Variants in MYOM2 observed in about 807,000 individuals in gnomAD.
The protein encoded by MYOM2 is myomesin 2.
A neutral mutation model predicts 187.6 loss-of-function variants in MYOM2; 254 were observed. The observed-to-expected ratio is 1.35, with a 90% CI of 1.22 to 1.50. The LOEUF is 1.50. Ranked by LOEUF, MYOM2 falls within the 40% of genes most tolerant of loss-of-function variation. MYOM2 has a pLI of 0.00. For synonymous variants in MYOM2, 981 were observed against 753.8 expected (o/e 1.30, Z -4.94); for missense variants, 2,796 against 1,924.0 (o/e 1.45, Z -8.48).
In MYOM2 at chr8:2,096,278, C is replaced by G. The variant is rs200368053; in HGVS notation, c.2157C>G (p.Leu719=). ...CGTCCCATCCTTATGGGATTACGCTCCTCAACTGTGACGGCCACTCCATGA... is the reference window on the plus strand; with the variant it reads ...CGTCCCATCCTTATGGGATTACGCTGCTCAACTGTGACGGCCACTCCATGA... ...TVPSHPYGIT[L]LNCDGHSMTL... The change falls in exon 18 of 37, where the codon CTC becomes CTG. Residue 719 remains leucine (L), a synonymous_variant. Transcript: ENST00000262113. The G allele has an allele frequency of 1.9e-6, 3 of 1,614,174 alleles. No individual in the cohort carries two copies. The South Asian group carries it at 3.3e-5, about 18-fold the overall frequency.
At chr8:2,100,148 C>CTTT (rs1796653427) in intron 19 of MYOM2, among the ~76,000 whole-genome samples, 1 of 143,220 alleles carries the variant, frequency 7.0e-6, no homozygotes, top group African/African-American at 2.7e-5. Context: ...TTCCTTCCTT[C>CTTT]CTTCCTTCCT....
Position 2,090,014 on chromosome 8 carries a change from G to C in MYOM2, c.1651G>C (p.Val551Leu). 1.9e-6 allele frequency: 3 copies of C among 1,613,846 alleles called. No individual in the cohort carries two copies. Among genetic ancestry groups the C allele is most frequent in the Non-Finnish European group, 2.5e-6 (3 of 1,179,878 alleles). The change falls in exon 15 of 37, where the codon GTG becomes CTG. Residue 551 changes from valine (V) to leucine (L), a missense_variant. Val to Leu is a conservative substitution (Grantham distance 32, BLOSUM62 1). Transcript: ENST00000262113. Reference sequence around the variant, plus strand: ...TTTCTGTTTCTCTTTGTAGTCCGTGGTGGGGAGCGGCAGCTGGCAGAGAGT... The same window carrying C: ...TTTCTGTTTCTCTTTGTAGTCCGTGCTGGGGAGCGGCAGCTGGCAGAGAGT... ...PLMYFIEKSV[V>L]GSGSWQRVNA... is the part of the protein sequence containing the mutation.
intron 7 of MYOM2, 39 bp downstream of exon 7, chr8:2,069,405 T>G (rs759767952): frequency 3.1e-6 from 5 of 1,613,932 alleles, no homozygotes; most frequent in Non-Finnish European, 4.2e-6. Context: ...ACCTCCCGCC[T>G]CCTTTTCTCT....
Position 2,144,772 on chromosome 8 carries a change from C to T in MYOM2, c.4189C>T (p.Gln1397Ter). Residue 1397 changes from glutamine (Q) to a stop codon, truncating the protein, a stop_gained, in exon 37 of 37, where the codon CAG becomes TAG. Coordinates refer to ENST00000262113, the MANE Select transcript of MYOM2 (RefSeq NM_003970.4). LOFTEE classifies it high-confidence loss of function. ...LSEHFSVKVEQAKYVSMTIKG... is the reference protein window; with the variant it reads ...LSEHFSVKVE ...CGAGCACTTCTCGGTGAAGGTGGAG[C>T]AGGCCAAGTACGTCAGCATGACCAT... 6.2e-7 allele frequency: 1 copy of T among 1,614,206 alleles called. No individual in the cohort carries two copies. The highest frequency in any genetic ancestry group is 8.5e-7 in the Non-Finnish European group (1 of 1,180,044).
chr8:2,121,778 C>A (rs1797468391), intron 28 of MYOM2, among the ~76,000 whole-genome samples: 1 of 152,214 alleles, frequency 6.6e-6, no homozygotes, highest in South Asian at 2.1e-4. Context: ...ACATTCCTTA[C>A]ACAGCAGAAG....
intron 11 of MYOM2, among the ~76,000 whole-genome samples, chr8:2,078,108 AC>A (rs1237113201): frequency 6.6e-6 from 1 of 152,170 alleles, no homozygotes; most frequent in Non-Finnish European, 1.5e-5. Context: ...ACATTTTTCA[AC>A]CTGTGAAAAA....
intron 25 of MYOM2, among the ~76,000 whole-genome samples, chr8:2,115,062 G>T (rs143138875): frequency 6.6e-6 from 1 of 151,672 alleles, no homozygotes; most frequent in Non-Finnish European, 1.5e-5. Flanking sequence ...AGTTATTTAA[G>T]TGAAAAAGTG....
rs754790407 is a variant in MYOM2 at position 2,069,346 on chromosome 8, A to C, written c.722A>C (p.Asn241Thr). 2 of 1,613,832 alleles carry C rather than the reference A, an allele frequency of 1.2e-6. No individual in the cohort carries two copies. Among genetic ancestry groups the C allele is most frequent in the Non-Finnish European group, 1.7e-6 (2 of 1,179,942 alleles). The change falls in exon 7 of 37, where the codon AAC becomes ACC. Residue 241 changes from asparagine to threonine, a missense_variant. Transcript: ENST00000262113. ...ATNAHGQVST[N>T]AAVVVRRFRG... ...AATGCCCACGGACAAGTGTCCACCA[A>C]CGCGGCGGTGGTGGTGAGAAGTGAG...
intron 8 of MYOM2, among the ~76,000 whole-genome samples, chr8:2,070,372 G>A (rs1039028110): frequency 6.6e-6 from 1 of 152,210 alleles, no homozygotes; most frequent in African/African-American, 2.4e-5. Flanking sequence ...TGGCCGCTGT[G>A]GGCGTGGCCT....
Position 2,076,296 on chromosome 8 carries a change from A to C in MYOM2, c.1262+14A>C, listed in dbSNP as rs920807009. 5.0e-6 allele frequency: 8 copies of C among 1,612,554 alleles called. No homozygotes were observed. The East Asian group carries it at 1.6e-4, about 31-fold the overall frequency. On this transcript the variant is annotated intron_variant, in intron 11 of 36. Coordinates refer to ENST00000262113, the MANE Select transcript of MYOM2 (RefSeq NM_003970.4). ...TTTTGTGGACCGGTGAGCGTCTTGC[A>C]TTCTCCCGGGGATGGGAACGTTCCG...
chr8:2,083,020 A>T (rs1819681781), intron 13 of MYOM2, among the ~76,000 whole-genome samples: 1 of 152,220 alleles, frequency 6.6e-6, no homozygotes, highest in East Asian at 1.9e-4. Flanking sequence ...TGTTTTTATG[A>T]GATCAATTTC....
intron 3 of MYOM2, among the ~76,000 whole-genome samples, chr8:2,052,925 A>C (rs1037301744): frequency 6.6e-6 from 1 of 152,226 alleles, no homozygotes; most frequent in African/African-American, 2.4e-5. Flanking sequence ...GTGAAATGTC[A>C]TGGGAATGGG....
intron 31 of MYOM2, among the ~76,000 whole-genome samples, chr8:2,128,677 T>C (rs1345513666): frequency 6.6e-6 from 1 of 152,196 alleles, no homozygotes; most frequent in African/African-American, 2.4e-5. Flanking sequence ...GTTTCATTTG[T>C]CTTGAAGAAC....
chr8:2,093,002 G>A (rs893876), intron 16 of MYOM2, among the ~76,000 whole-genome samples: 78,252 of 151,924 alleles, frequency 0.52, 20,710 homozygotes, highest in Non-Finnish European at 0.58. Flanking sequence ...GCTTTGCAGG[G>A]GAAAGCCAGT....
chr8:2,059,099 C>A, intron 5 of MYOM2, 54 bp from the exon 6 acceptor site: 1 of 1,500,102 alleles, frequency 6.7e-7, no homozygotes, highest in Non-Finnish European at 9.3e-7. Context: ...CAGAATTGCA[C>A]ACACACAAAA....
At chr8:2,058,839 G>A (rs191396845) in intron 5 of MYOM2, among the ~76,000 whole-genome samples, 48 of 152,306 alleles carry the variant, frequency 3.2e-4, no homozygotes, top group South Asian at 2.9e-3. Flanking sequence ...TTAAGTAGGC[G>A]GGTCCGGGAT....
intron 5 of MYOM2, among the ~76,000 whole-genome samples, chr8:2,058,176 G>C (rs562595494): frequency 9.9e-5 from 15 of 151,846 alleles, no homozygotes; most frequent in African/African-American, 3.6e-4. Flanking sequence ...ACGCCACCAC[G>C]CCTGGCTAAT....
chr8:2,105,739 C>G (rs1213544972), intron 21 of MYOM2, among the ~76,000 whole-genome samples: 1 of 152,214 alleles, frequency 6.6e-6, no homozygotes, highest in African/African-American at 2.4e-5. Flanking sequence ...AAAGTGTTTT[C>G]TCTCTCACGA....
At chr8:2,105,267 G>A (rs1278453377) in intron 21 of MYOM2, among the ~76,000 whole-genome samples, 4 of 152,110 alleles carry the variant, frequency 2.6e-5, no homozygotes, top group Admixed American at 2.6e-4. Context: ...ATCTCACCCT[G>A]CCACCTGGCT....
Sources: gnomAD v4.1 joint callset for allele counts (sites outside exome capture counted in the v4.1 genomes callset) on GRCh38, gnomAD v4.1.1 for gene constraint, MANE v1.5 for transcripts, NCBI Gene and HGNC (gene_info 2026-07-23, HGNC 2026-07-21) for gene names.